Variants in GPR89B observed in about 807,000 individuals in gnomAD.
GPR89B encodes G protein-coupled receptor 89B.
In GPR89B, 25 loss-of-function variants were observed where a neutral mutation model predicts 52.4. That is an observed-to-expected ratio of 0.48 (90% confidence interval 0.35 to 0.67). The LOEUF is 0.67. GPR89B is among the 30% of genes least tolerant of loss of function. The probability of loss-of-function intolerance (pLI) is 0.01; values close to 1 mark genes in which losing one functional copy is unlikely to be tolerated. For missense variants in GPR89B, 146 were observed against 450.2 expected, an observed-to-expected ratio of 0.32 and a Z score of 6.11; for synonymous variants, 52 against 151.2, an observed-to-expected ratio of 0.34 and a Z score of 4.81.
intron 5 of GPR89B, among the ~76,000 whole-genome samples, chr1:147,951,190 C>CCT (rs1655663045): frequency 1.3e-5 from 2 of 151,412 alleles, no homozygotes. Context: ...AGTTACTTAA[C>CCT]CTCTCTGTGC....
Position 147,928,439 on chromosome 1 carries a change from C to A in GPR89B, c.-98C>A. On this transcript the variant is annotated 5_prime_UTR_variant, in exon 1 of 14. In the 5' UTR this introduces an upstream ATG that the reference lacks. Coordinates refer to ENST00000314163, the MANE Select transcript of GPR89B (RefSeq NM_016334.5). ...AGAGCCGCAGTCCCGGCTGCAGCAC[C>A]TGGGAGAAGGCAGACCGTGTGAGGG... is the stretch of plus-strand genomic sequence containing the variant. 6.8e-7 allele frequency: 1 copy of A among 1,465,744 alleles called. No individual in the cohort carries two copies. Among genetic ancestry groups the A allele is most frequent in the Non-Finnish European group, 9.5e-7 (1 of 1,056,038 alleles). The allele number at this position is 1,465,744 out of a possible 1,614,324, so 90.8% of individuals were successfully genotyped here. A position where few individuals can be genotyped will look rare whatever the true frequency, so the allele number is the denominator to read the frequency against.
At chr1:148,015,623 T>TTTTG in the GPR89B span, among the ~76,000 whole-genome samples, 10,833 of 142,572 alleles carry the variant, frequency 0.076, 872 homozygotes, top group East Asian at 0.12. Context: ...CTTCTCTCTA[T>TTTTG]TTTGTTTGTT....
chr1:148,012,552 A>G, the GPR89B span, among the ~76,000 whole-genome samples: 1 of 146,162 alleles, frequency 6.8e-6, no homozygotes, highest in Non-Finnish European at 1.5e-5. Context: ...GCTGGAGGAA[A>G]GTCGGGTTTG....
intron 5 of GPR89B, among the ~76,000 whole-genome samples, chr1:147,949,209 C>G (rs1383547883): frequency 6.6e-6 from 1 of 152,154 alleles, no homozygotes; most frequent in African/African-American, 2.4e-5. Context: ...CTTTCCCCGC[C>G]TTTCCCCCCT....
At position 147,976,843 on chromosome 1, in the gene GPR89B, C is replaced by T. The variant is rs1447392412; in HGVS notation, c.909+6884C>T. Among the ~76,000 whole-genome samples, 6 of 151,864 alleles carry T rather than the reference C, an allele frequency of 4.0e-5. No homozygotes were observed. The East Asian group carries it at 7.7e-4, about 20-fold the overall frequency. On this transcript the variant is annotated intron_variant, in intron 10 of 13. Coordinates refer to ENST00000314163, the MANE Select transcript of GPR89B (RefSeq NM_016334.5). ...AGTTCTTGCAAGGTGGTCACAAGTT[C>T]CCTCAGCATTTGCTTGTCTGAAAAG...
At chr1:147,933,933 ATAATC>A (rs1185444506) in intron 1 of GPR89B, among the ~76,000 whole-genome samples, 1 of 152,076 alleles carries the variant, frequency 6.6e-6, no homozygotes, top group Non-Finnish European at 1.5e-5. Context: ...CCTACAGACT[ATAATC>A]TAAGCTCCTT....
chr1:147,970,231 C>T (rs1382325584), intron 10 of GPR89B, among the ~76,000 whole-genome samples: 1 of 151,976 alleles, frequency 6.6e-6, no homozygotes, highest in Non-Finnish European at 1.5e-5. Context: ...CATGGTGGCT[C>T]ATGCCTATAA....
At chr1:147,986,046 C>T (rs1219754299) in intron 10 of GPR89B, among the ~76,000 whole-genome samples, 153 bp from the exon 11 acceptor site, 2 of 152,154 alleles carry the variant, frequency 1.3e-5, no homozygotes, top group Non-Finnish European at 2.9e-5. Context: ...AAATAGATTT[C>T]CTATATATGA....
Position 147,963,961 on chromosome 1 carries a change from A to G in GPR89B, c.618-2593A>G, listed in dbSNP as rs1656834933. On this transcript the variant is annotated intron_variant, in intron 7 of 13. Coordinates refer to ENST00000314163, the MANE Select transcript of GPR89B (RefSeq NM_016334.5). ...ATATACCGTATGATTCTAGTTATAT[A>G]TACATTTTTGAAATGATAAAATTAC... Among the ~76,000 whole-genome samples the G allele has an allele frequency of 2.6e-5, 4 of 152,278 alleles. No homozygotes were observed. The East Asian group carries it at 5.8e-4, about 22-fold the overall frequency.
the GPR89B span, among the ~76,000 whole-genome samples, chr1:148,016,966 G>A: frequency 9.9e-5 from 15 of 151,614 alleles, no homozygotes; most frequent in African/African-American, 3.4e-4. Context: ...CCCATCCAGC[G>A]AATTTATCAT....
intron 11 of GPR89B, 108 bp downstream of exon 11, chr1:147,986,402 T>C (rs1658672028): frequency 8.3e-7 from 1 of 1,204,768 alleles, no homozygotes; most frequent in Admixed American, 2.2e-5. Flanking sequence ...CTTCTGCTTT[T>C]GTTCTTCCCA....
At chr1:148,019,124 G>A in the GPR89B span, among the ~76,000 whole-genome samples, 3 of 150,932 alleles carry the variant, frequency 2.0e-5, no homozygotes, top group Non-Finnish European at 4.4e-5. Flanking sequence ...CTATAGGCAC[G>A]CGCCACCATG....
intron 10 of GPR89B, among the ~76,000 whole-genome samples, chr1:147,976,643 C>T (rs1657842938): frequency 6.6e-6 from 1 of 151,410 alleles, no homozygotes; most frequent in Non-Finnish European, 1.5e-5. Flanking sequence ...AGCCCATTTA[C>T]ATTTAAGGTT....
the GPR89B span, among the ~76,000 whole-genome samples, chr1:148,016,682 G>A: frequency 4.5e-4 from 68 of 151,994 alleles, no homozygotes; most frequent in Non-Finnish European, 7.9e-4. Context: ...GAGTGAGGCC[G>A]GGAATTGGAG....
chr1:147,959,622 G>A (rs1234890343), intron 7 of GPR89B, among the ~76,000 whole-genome samples: 1 of 151,974 alleles, frequency 6.6e-6, no homozygotes, highest in Non-Finnish European at 1.5e-5. Flanking sequence ...ATTTAAAGGG[G>A]AAATTTTGGA....
intron 11 of GPR89B, among the ~76,000 whole-genome samples, 193 bp from the exon 12 acceptor site, chr1:147,988,238 AG>A (rs1658808332): frequency 6.6e-6 from 1 of 152,064 alleles, no homozygotes; most frequent in African/African-American, 2.4e-5. Context: ...CTGCTAATTA[AG>A]GTATTTACTG....
the GPR89B span, among the ~76,000 whole-genome samples, chr1:148,006,048 G>A: frequency 1.3e-5 from 2 of 152,172 alleles, no homozygotes; most frequent in Non-Finnish European, 2.9e-5. Context: ...CGATTTTAGA[G>A]CTAACTCGGC....
At chr1:148,000,642 C>G in the GPR89B span, among the ~76,000 whole-genome samples, 1 of 150,714 alleles carries the variant, frequency 6.6e-6, no homozygotes, top group African/African-American at 2.4e-5. Context: ...ATTTTAGATT[C>G]TACTATCATT....
chr1:147,932,719 T>C (rs1653752809), intron 1 of GPR89B, among the ~76,000 whole-genome samples: 2 of 152,170 alleles, frequency 1.3e-5, no homozygotes. Context: ...CTTACCTCCT[T>C]TCCTCCCATT....
Sources: allele counts gnomAD v4.1 joint callset (sites outside exome capture counted in the v4.1 genomes callset), GRCh38; gene constraint gnomAD v4.1.1; transcripts MANE v1.5; gene names NCBI Gene and HGNC (gene_info 2026-07-23, HGNC 2026-07-21).